PARVB: variants seen among roughly 807,000 people sequenced by gnomAD.
The protein encoded by PARVB is parvin beta, also known as beta-parvin.
PARVB carries 46 observed loss-of-function variants against 47.0 expected under a neutral mutation model. That is an observed-to-expected ratio of 0.98 (90% CI 0.77 to 1.25). PARVB has a LOEUF of 1.25. Among genes scored for constraint, PARVB ranks in the 50% most tolerant of loss-of-function variants. The pLI is 0.00. For synonymous variants in PARVB, 196 were observed against 196.3 expected, an observed-to-expected ratio of 1.00 and a Z score of 0.01; for missense variants, 473 against 471.6, an observed-to-expected ratio of 1.00 and a Z score of -0.03.
At chr22:44,126,987 C>T (rs1448455297) in intron 4 of PARVB, among the ~76,000 whole-genome samples, 1 of 152,176 alleles carries the variant, frequency 6.6e-6, no homozygotes, top group Non-Finnish European at 1.5e-5. Context: ...GCTGCATCTT[C>T]CCCTCTCAAG....
chr22:44,015,000 G>A (rs559292322), intron 2 of PARVB, among the ~76,000 whole-genome samples: 5 of 152,006 alleles, frequency 3.3e-5, no homozygotes, highest in African/African-American at 9.6e-5. Flanking sequence ...GTAGGTGCCC[G>A]CCACCATGCC....
rs2147203658 is a variant in PARVB, at chr22:44,170,844, G to A, written c.*2166G>A. On this transcript the variant is annotated 3_prime_UTR_variant, in exon 13 of 13. Coordinates refer to ENST00000338758, the MANE Select transcript of PARVB (RefSeq NM_013327.5). The stretch of plus-strand genomic sequence containing the variant: ...CTTCCTGCCGCAGATCAGAGCTTTG[G>A]AGTAAGTTTTGATATGAAATCGAAT... 6.6e-6 allele frequency: 1 copy of A among 152,368 alleles called. No homozygotes were observed. The highest frequency in any genetic ancestry group is 1.9e-4 in the East Asian group (1 of 5,194). 9.4% of individuals were successfully genotyped at this position (152,368 alleles called of 1,614,324 possible).
intron 2 of PARVB, among the ~76,000 whole-genome samples, chr22:44,018,232 T>C (rs1478336871): frequency 6.6e-6 from 1 of 152,052 alleles, no homozygotes; most frequent in Non-Finnish European, 1.5e-5. Context: ...TGAAACCCTG[T>C]CTCTACTAAA....
intron 1 of PARVB, among the ~76,000 whole-genome samples, chr22:44,043,433 C>T (rs897425972): frequency 6.6e-6 from 1 of 152,078 alleles, no homozygotes; most frequent in African/African-American, 2.4e-5. Context: ...TGCTGGAGTG[C>T]AGTGGTGCGA....
intron 12 of PARVB, among the ~76,000 whole-genome samples, chr22:44,165,303 C>G (rs958560485): frequency 6.6e-6 from 1 of 152,224 alleles, no homozygotes; most frequent in Middle Eastern, 3.2e-3. Flanking sequence ...CCTCCCTCCC[C>G]ACTAGAACAG....
upstream of PARVB, among the ~76,000 whole-genome samples, chr22:44,022,227 T>C (rs548306925): frequency 2.0e-5 from 3 of 152,264 alleles, no homozygotes; most frequent in South Asian, 2.1e-4. Flanking sequence ...CTCCAGCTCA[T>C]GGAACTTTGT....
intron 1 of PARVB, among the ~76,000 whole-genome samples, chr22:44,071,969 G>A (rs2051664985): frequency 6.6e-6 from 1 of 152,220 alleles, no homozygotes; most frequent in Non-Finnish European, 1.5e-5. Context: ...TGCTGGCTTG[G>A]ATTCTAACAC....
chr22:44,165,743 C>T (rs1269741799), intron 12 of PARVB, among the ~76,000 whole-genome samples: 3 of 152,236 alleles, frequency 2.0e-5, no homozygotes, highest in Non-Finnish European at 4.4e-5. Flanking sequence ...CTGTAACTTT[C>T]CAGCAGGGCC....
Position 44,119,152 on chromosome 22 carries a change from G to A in PARVB, c.376+12G>A, listed in dbSNP as rs2052982731. 1.3e-6 allele frequency: 2 copies of A among 1,579,224 alleles called. No individual in the cohort carries two copies. Among genetic ancestry groups the A allele is most frequent in the Non-Finnish European group, 1.7e-6 (2 of 1,148,594 alleles). On this transcript the variant is annotated intron_variant, in intron 4 of 12. Coordinates refer to ENST00000338758, the MANE Select transcript of PARVB (RefSeq NM_013327.5). ...GCAGAAGCTCTTGGGTGAGTTCACA[G>A]CAGGGACAGCTCTGTCCCACCCCCA... is the stretch of plus-strand genomic sequence containing the variant.
At chr22:44,085,663 A>C (rs1342409969) in intron 1 of PARVB, among the ~76,000 whole-genome samples, 1 of 152,168 alleles carries the variant, frequency 6.6e-6, no homozygotes, top group Non-Finnish European at 1.5e-5. Context: ...CACTTAATTA[A>C]TTGTGCATCG....
chr22:44,047,268 C>T (rs1317734409), intron 1 of PARVB, among the ~76,000 whole-genome samples: 4 of 152,088 alleles, frequency 2.6e-5, no homozygotes, highest in East Asian at 1.9e-4. Context: ...GAAGAGGGAG[C>T]AAGAAAGGGA....
intron 1 of PARVB, among the ~76,000 whole-genome samples, chr22:44,082,364 CA>C (rs1220698967): frequency 6.6e-6 from 1 of 151,834 alleles, no homozygotes; most frequent in Non-Finnish European, 1.5e-5. Flanking sequence ...ACTAAAAATA[CA>C]AAAATTAGCT....
chr22:44,094,363 T>TGCCAC (rs561536069), intron 2 of PARVB, among the ~76,000 whole-genome samples: 1,603 of 151,656 alleles, frequency 0.011, 40 homozygotes, highest in African/African-American at 0.037. Flanking sequence ...TGCCACGCCA[T>TGCCAC]GCCACGCCAC....
At chr22:44,140,550 A>C (rs1265269738) in intron 8 of PARVB, 2 of 538,472 alleles carry the variant, frequency 3.7e-6, no homozygotes, top group Non-Finnish European at 7.3e-6. Flanking sequence ...ATGTCCTTCC[A>C]TGTGTATTAT....
At chr22:44,152,924 T>C (rs2053841709) in intron 10 of PARVB, 1 of 152,214 alleles carries the variant, frequency 6.6e-6, no homozygotes, top group Non-Finnish European at 1.5e-5. Context: ...AGGTTCATTG[T>C]AGAAATGTCT....
At chr22:44,092,447 G>C (rs1442730816) in intron 1 of PARVB, among the ~76,000 whole-genome samples, 1 of 152,152 alleles carries the variant, frequency 6.6e-6, no homozygotes, top group African/African-American at 2.4e-5. Flanking sequence ...GAGTCCTGCA[G>C]CTATGAAAAT....
intron 4 of PARVB, among the ~76,000 whole-genome samples, chr22:44,121,527 A>G (rs981010281): frequency 1.3e-5 from 2 of 151,194 alleles, no homozygotes; most frequent in Admixed American, 1.3e-4. Context: ...TCTTCTGTAA[A>G]TAAGTGCTTT....
intron 9 of PARVB, chr22:44,149,422 A>C (rs2053754491): frequency 6.6e-6 from 1 of 152,140 alleles, no homozygotes; most frequent in Admixed American, 6.5e-5. Flanking sequence ...GTGCCCCAGA[A>C]TGAAGTCAGG....
At chr22:44,038,850 A>G (rs1238110021) in intron 1 of PARVB, among the ~76,000 whole-genome samples, 2 of 152,222 alleles carry the variant, frequency 1.3e-5, no homozygotes, top group Non-Finnish European at 2.9e-5. Flanking sequence ...AAATGTTTGC[A>G]AAACACATGT....
Sources: allele counts gnomAD v4.1 joint callset (sites outside exome capture counted in the v4.1 genomes callset), GRCh38; gene constraint gnomAD v4.1.1; transcripts MANE v1.5; gene names NCBI Gene and HGNC (gene_info 2026-07-23, HGNC 2026-07-21).